Variants in MYO3B observed in about 807,000 individuals in gnomAD.
MYO3B encodes myosin-IIIb.
In MYO3B, 156 loss-of-function variants were observed where a neutral mutation model predicts 174.6. The observed-to-expected ratio is 0.89, with a 90% CI of 0.78 to 1.02. The LOEUF (loss-of-function observed/expected upper bound fraction) is 1.02, where lower values mean the gene tolerates loss of function less well. Ranked by LOEUF, MYO3B falls within the 50% of genes least tolerant of loss-of-function variation. The probability of loss-of-function intolerance (pLI) is 0.00; values close to 1 mark genes in which losing one functional copy is unlikely to be tolerated. For missense variants in MYO3B, 1,632 were observed against 1,639.4 expected (o/e 1.00, Z 0.08); for synonymous variants, 563 against 569.1 (o/e 0.99, Z 0.15).
chr2:170,377,403 G>C (rs2094302172), intron 9 of MYO3B, among the ~76,000 whole-genome samples: 5 of 152,214 alleles, frequency 3.3e-5, no homozygotes, highest in Admixed American at 3.3e-4. Context: ...TGTTGTCTTA[G>C]GGGAACTCCC....
intron 30 of MYO3B, among the ~76,000 whole-genome samples, chr2:170,527,274 G>T (rs1242395491): frequency 6.6e-6 from 1 of 152,142 alleles, no homozygotes; most frequent in Non-Finnish European, 1.5e-5. Flanking sequence ...CTATTACAGG[G>T]AATAAGGCAC....
intron 7 of MYO3B, among the ~76,000 whole-genome samples, chr2:170,290,006 A>C (rs2093585305): frequency 6.6e-6 from 1 of 152,140 alleles, no homozygotes; most frequent in Non-Finnish European, 1.5e-5. Flanking sequence ...TGTGTTTTCC[A>C]AAGTTCCTCC....
intron 32 of MYO3B, among the ~76,000 whole-genome samples, chr2:170,584,601 T>C (rs1400657567): frequency 6.6e-6 from 1 of 152,246 alleles, no homozygotes; most frequent in Non-Finnish European, 1.5e-5. Flanking sequence ...AAGAATTGCA[T>C]AAGTGCCAGA....
chr2:170,257,662 A>G (rs903286981), intron 7 of MYO3B, among the ~76,000 whole-genome samples: 1 of 152,154 alleles, frequency 6.6e-6, no homozygotes, highest in Non-Finnish European at 1.5e-5. Context: ...ACAATCTAAC[A>G]TCACACCTAG....
intron 32 of MYO3B, among the ~76,000 whole-genome samples, chr2:170,635,146 T>TAAAG (rs1697352870): frequency 6.6e-6 from 1 of 152,198 alleles, no homozygotes; most frequent in Non-Finnish European, 1.5e-5. Context: ...CATGCTACTA[T>TAAAG]AAAGACACAT....
intron 32 of MYO3B, among the ~76,000 whole-genome samples, chr2:170,623,416 G>C (rs1203441911): frequency 6.6e-6 from 1 of 152,174 alleles, no homozygotes; most frequent in Admixed American, 6.5e-5. Context: ...TTTTTGATGG[G>C]GTTGTTTGAT....
intron 22 of MYO3B, among the ~76,000 whole-genome samples, chr2:170,421,888 C>T (rs10930429): frequency 0.48 from 72,610 of 151,922 alleles, 17,722 homozygotes; most frequent in Admixed American, 0.59. Context: ...CAAGTGCTGT[C>T]TTGTTTTTTG....
chr2:170,438,744 C>T (rs985620733), intron 22 of MYO3B, among the ~76,000 whole-genome samples: 6 of 151,994 alleles, frequency 3.9e-5, no homozygotes, highest in Non-Finnish European at 8.8e-5. Flanking sequence ...AAATGCTTCT[C>T]CTGCCTCAGC....
intron 32 of MYO3B, among the ~76,000 whole-genome samples, chr2:170,595,457 G>A (rs1309306295): frequency 6.6e-6 from 1 of 151,978 alleles, no homozygotes; most frequent in Non-Finnish European, 1.5e-5. Context: ...TTTGTTTTAT[G>A]AGACAGAGTC....
intron 25 of MYO3B, among the ~76,000 whole-genome samples, chr2:170,474,057 C>T (rs983853941): frequency 6.6e-6 from 1 of 152,164 alleles, no homozygotes; most frequent in African/African-American, 2.4e-5. Context: ...AATCCAAAGA[C>T]ATGTCTGGAT....
At chr2:170,286,203 GC>G (rs1459038392) in intron 7 of MYO3B, among the ~76,000 whole-genome samples, 2 of 152,160 alleles carry the variant, frequency 1.3e-5, no homozygotes, top group African/African-American at 4.8e-5. Context: ...TTCCAAAGCA[GC>G]CAAAGCAATG....
intron 1 of MYO3B, among the ~76,000 whole-genome samples, chr2:170,197,496 G>GCT (rs1337742426): frequency 6.6e-6 from 1 of 152,154 alleles, no homozygotes; most frequent in African/African-American, 2.4e-5. Context: ...TTCACTGAAT[G>GCT]CTACTCTTCA....
chr2:170,635,485 G>T lies in MYO3B; in HGVS notation c.3734-16143G>T, dbSNP rs530114982. On this transcript the variant is annotated intron_variant, in intron 32 of 34. Coordinates refer to ENST00000408978, the MANE Select transcript of MYO3B (RefSeq NM_138995.5). The stretch of plus-strand genomic sequence containing the variant: ...TCGTGGGGTGGGGGGAGCGGGGGAG[G>T]GATAGCATTAGGAGATATACCTAAT... 3.3e-5 allele frequency among the ~76,000 whole-genome samples: 5 copies of T among 152,094 alleles called. No homozygotes were observed. The East Asian group carries it at 7.7e-4, about 24-fold the overall frequency.
In MYO3B at chr2:170,400,305, T is replaced by A. The variant is rs1310814513; in HGVS notation, c.1909T>A (p.Leu637Met). ...AAGTGAGGTGCCCAATGCTGAAGCTTTGCAAAATGGTAATTATTTGATATT... is the reference window on the plus strand; with the variant it reads ...AAGTGAGGTGCCCAATGCTGAAGCTATGCAAAATGGTAATTATTTGATATT... ...DKSEVPNAEALQNAASVLCIS... is the reference protein window; with the variant it reads ...DKSEVPNAEAMQNAASVLCIS... Residue 637 changes from leucine (L) to methionine (M), a missense_variant, in exon 17 of 35, where the codon TTG (leucine) becomes ATG (methionine). By Grantham distance (15) the Leu-to-Met change is conservative. Coordinates refer to ENST00000408978, the MANE Select transcript of MYO3B (RefSeq NM_138995.5). The A allele has an allele frequency of 6.2e-7, 1 of 1,613,966 alleles. No homozygotes were observed. Among genetic ancestry groups the A allele is most frequent in the Non-Finnish European group, 8.5e-7 (1 of 1,180,008 alleles).
chr2:170,305,378 C>T (rs960606205), intron 7 of MYO3B, among the ~76,000 whole-genome samples: 3 of 152,094 alleles, frequency 2.0e-5, no homozygotes, highest in Non-Finnish European at 2.9e-5. Context: ...GAAGGTAAGT[C>T]CTCATTTTCC....
At chr2:170,397,482 C>T (rs984455181) in intron 16 of MYO3B, among the ~76,000 whole-genome samples, 6 of 152,110 alleles carry the variant, frequency 3.9e-5, no homozygotes, top group South Asian at 2.1e-4. Flanking sequence ...CTATATATTT[C>T]GTTGTTTCAC....
chr2:170,586,203 A>C (rs1395356072), intron 32 of MYO3B, among the ~76,000 whole-genome samples: 2 of 152,210 alleles, frequency 1.3e-5, no homozygotes, highest in Non-Finnish European at 2.9e-5. Flanking sequence ...ATCCAAAAGT[A>C]TATCTCTAGA....
chr2:170,500,785 C>T lies in MYO3B; in HGVS notation c.3289+977C>T, dbSNP rs775514477. 1.4e-4 allele frequency among the ~76,000 whole-genome samples: 22 copies of T among 152,290 alleles called. 1 individual carries two copies. The highest frequency in any genetic ancestry group is 4.1e-4 in the South Asian group (2 of 4,834). On this transcript the variant is annotated intron_variant, in intron 27 of 34. Transcript: ENST00000408978. ...AGGTGTTCAGTACCAGAGTTACTAA[C>T]GCCATTTCCAGAAGGCTTTTCTAGT...
chr2:170,364,555 C>T (rs1486443651), intron 8 of MYO3B, among the ~76,000 whole-genome samples: 1 of 152,120 alleles, frequency 6.6e-6, no homozygotes. Context: ...AGATAGTCTT[C>T]TTTTGGAATT....
Sources: gnomAD v4.1 joint callset for allele counts (sites outside exome capture counted in the v4.1 genomes callset) on GRCh38, gnomAD v4.1.1 for gene constraint, MANE v1.5 for transcripts, NCBI Gene and HGNC (gene_info 2026-07-23, HGNC 2026-07-21) for gene names.